Variants in KIAA0825 observed in about 807,000 individuals in gnomAD.
The protein encoded by KIAA0825 is KIAA0825.
Under a neutral mutation model 147.6 loss-of-function variants are expected in KIAA0825, and 119 were observed. That is an observed-to-expected ratio of 0.81 (90% confidence interval 0.69 to 0.94). The LOEUF (loss-of-function observed/expected upper bound fraction) is 0.94. KIAA0825 is among the 40% of genes least tolerant of loss of function. The pLI, the probability that KIAA0825 is intolerant of heterozygous loss-of-function variation, is 0.00. For synonymous variants in KIAA0825, 470 were observed against 518.1 expected (o/e 0.91, Z 1.26); for missense variants, 1,381 against 1,472.7 (o/e 0.94, Z 1.02).
Position 94,238,693 on chromosome 5 carries a change from C to CA in KIAA0825, c.3711-84570dup, listed in dbSNP as rs1164694734. 7.9e-5 allele frequency among the ~76,000 whole-genome samples: 12 copies of CA among 152,010 alleles called. 1 individual carries two copies. Among genetic ancestry groups the CA allele is most frequent in the African/African-American group, 2.9e-4 (12 of 41,492 alleles). On this transcript the variant is annotated intron_variant, in intron 20 of 20. Coordinates refer to ENST00000682413, the MANE Select transcript of KIAA0825 (RefSeq NM_001145678.3). Reference sequence around the variant, plus strand: ...CTTAGCATTTCACCACGAGCGAAGCCAAAAAGTACAATCAACACAATATAT... The same window carrying CA: ...CTTAGCATTTCACCACGAGCGAAGCCAAAAAAGTACAATCAACACAATATAT...
intron 20 of KIAA0825, among the ~76,000 whole-genome samples, chr5:94,242,732 T>G (rs113107580): frequency 0.02 from 3,045 of 152,178 alleles, 99 homozygotes; most frequent in African/African-American, 0.07. Flanking sequence ...TTCAAGTGAT[T>G]CTTCTGCCTC....
In KIAA0825 at chr5:94,618,557, G is replaced by A. The variant is rs903502540; in HGVS notation, c.-210C>T. On this transcript the variant is annotated 5_prime_UTR_variant, in exon 1 of 21. Transcript: ENST00000682413. Reference sequence around the variant, plus strand: ...AGCCTGACCCGCTGGCCAGACTCAAGCTCTGCACCAGGTATTACCACCCTG... The same window carrying A: ...AGCCTGACCCGCTGGCCAGACTCAAACTCTGCACCAGGTATTACCACCCTG... 2.0e-5 allele frequency: 3 copies of A among 153,624 alleles called. No individual in the cohort carries two copies. Among genetic ancestry groups the A allele is most frequent in the Admixed American group, 6.5e-5 (1 of 15,276 alleles). The allele number at this position is 153,624 out of a possible 1,614,324, so 9.5% of individuals were successfully genotyped here.
intron 20 of KIAA0825, among the ~76,000 whole-genome samples, chr5:94,294,893 TGTGTCTTGGGG>T (rs1778067622): frequency 6.6e-6 from 1 of 152,170 alleles, no homozygotes; most frequent in Non-Finnish European, 1.5e-5. Context: ...TTTACAATTA[TGTGTCTTGGGG>T]TTGCTCTCCT....
At chr5:94,494,676 G>A (rs1258711971) in intron 5 of KIAA0825, among the ~76,000 whole-genome samples, 1 of 151,934 alleles carries the variant, frequency 6.6e-6, no homozygotes, top group Non-Finnish European at 1.5e-5. Flanking sequence ...CCCTTTCTTG[G>A]TCTCAAATTT....
At chr5:94,373,209 T>G (rs1562430416) in intron 20 of KIAA0825, among the ~76,000 whole-genome samples, 1 of 152,196 alleles carries the variant, frequency 6.6e-6, no homozygotes, top group East Asian at 1.9e-4. Context: ...TCCTATCTTC[T>G]TCTGAATCCT....
chr5:94,237,439 G>GCTCATTC (rs1775111511), intron 20 of KIAA0825, among the ~76,000 whole-genome samples: 1 of 152,204 alleles, frequency 6.6e-6, no homozygotes, highest in South Asian at 2.1e-4. Flanking sequence ...GAGGGTGCAA[G>GCTCATTC]CTCAGTGTGT....
At chr5:94,188,164 C>G (rs1770324924) in intron 20 of KIAA0825, among the ~76,000 whole-genome samples, 2 of 152,170 alleles carry the variant, frequency 1.3e-5, no homozygotes, top group Admixed American at 1.3e-4. Flanking sequence ...TGACTCCCAG[C>G]CTCCAGAGGA....
chr5:94,536,113 GAGA>G (rs1771956520), intron 3 of KIAA0825, among the ~76,000 whole-genome samples: 1 of 152,110 alleles, frequency 6.6e-6, no homozygotes, highest in Admixed American at 6.6e-5. Flanking sequence ...TCTGGGATGG[GAGA>G]AGATTTTGTT....
At chr5:94,373,748 A>C (rs1036957965) in intron 20 of KIAA0825, among the ~76,000 whole-genome samples, 1 of 152,158 alleles carries the variant, frequency 6.6e-6, no homozygotes, top group Non-Finnish European at 1.5e-5. Context: ...GTCGATTATA[A>C]ATGTTACTAC....
At chr5:94,511,682 T>C (rs1766500115) in intron 5 of KIAA0825, among the ~76,000 whole-genome samples, 1 of 151,828 alleles carries the variant, frequency 6.6e-6, no homozygotes, top group South Asian at 2.1e-4. Context: ...GGGGCAGATT[T>C]GTTTTATACA....
intron 20 of KIAA0825, among the ~76,000 whole-genome samples, chr5:94,218,938 T>G (rs1178492048): frequency 6.6e-6 from 1 of 152,194 alleles, no homozygotes; most frequent in East Asian, 1.9e-4. Context: ...GTCTTATTTA[T>G]GTGCTTATCT....
intron 2 of KIAA0825, among the ~76,000 whole-genome samples, chr5:94,578,076 T>G (rs1204682757): frequency 6.6e-6 from 1 of 152,212 alleles, no homozygotes; most frequent in South Asian, 2.1e-4. Flanking sequence ...GTTTGGACTC[T>G]TAACAGCAAA....
chr5:94,197,295 T>G (rs1771223767), intron 20 of KIAA0825, among the ~76,000 whole-genome samples: 1 of 152,210 alleles, frequency 6.6e-6, no homozygotes. Flanking sequence ...TCATGTCCTT[T>G]GTACATATTC....
chr5:94,521,797 T>C (rs1432245638), intron 4 of KIAA0825, among the ~76,000 whole-genome samples: 1 of 151,742 alleles, frequency 6.6e-6, no homozygotes, highest in Non-Finnish European at 1.5e-5. Flanking sequence ...TAGCTAATAC[T>C]GAAATTAGTT....
At chr5:94,309,538 G>A (rs954772503) in intron 20 of KIAA0825, among the ~76,000 whole-genome samples, 10 of 151,760 alleles carry the variant, frequency 6.6e-5, no homozygotes, top group African/African-American at 2.4e-4. Flanking sequence ...GTGCTATGCT[G>A]TTCAGGAAAG....
intron 12 of KIAA0825, among the ~76,000 whole-genome samples, chr5:94,456,141 G>A (rs1010796685): frequency 2.0e-5 from 3 of 152,120 alleles, no homozygotes; most frequent in Admixed American, 2.0e-4. Context: ...GATCAGGAGG[G>A]ACTGGAGAAT....
At chr5:94,471,104 A>G (rs1761158661) in intron 9 of KIAA0825, among the ~76,000 whole-genome samples, 1 of 152,218 alleles carries the variant, frequency 6.6e-6, no homozygotes, top group Non-Finnish European at 1.5e-5. Flanking sequence ...CCACGAGACA[A>G]CAAGTTTATT....
intron 20 of KIAA0825, among the ~76,000 whole-genome samples, chr5:94,162,402 C>T (rs536124010): frequency 3.9e-4 from 60 of 152,068 alleles, no homozygotes; most frequent in Non-Finnish European, 7.8e-4. Context: ...TGGGTTCCAG[C>T]GATTGTCCTG....
At chr5:94,579,190 G>A (rs1781623499) in intron 2 of KIAA0825, among the ~76,000 whole-genome samples, 1 of 152,136 alleles carries the variant, frequency 6.6e-6, no homozygotes, top group African/African-American at 2.4e-5. Context: ...AAAGTGCTGG[G>A]ATTACAGGCG....
Sources: gnomAD v4.1 joint callset for allele counts (sites outside exome capture counted in the v4.1 genomes callset) on GRCh38, gnomAD v4.1.1 for gene constraint, MANE v1.5 for transcripts, NCBI Gene and HGNC (gene_info 2026-07-23, HGNC 2026-07-21) for gene names.